HTR1D: variants seen among roughly 807,000 people sequenced by gnomAD.
HTR1D encodes 5-HT-1D.
A neutral mutation model predicts 21.1 loss-of-function variants in HTR1D; 18 were observed. The observed-to-expected ratio is 0.85, with a 90% CI of 0.59 to 1.27. The LOEUF is 1.27. HTR1D is among the 50% of genes most tolerant of loss of function. The pLI, the probability that HTR1D is intolerant of heterozygous loss-of-function variation, is 0.00. For synonymous variants in HTR1D, 196 were observed against 204.4 expected (o/e 0.96, Z 0.35); for missense variants, 456 against 481.4 (o/e 0.95, Z 0.49).
chr1:23,211,830 T>A (rs609567), intron 1 of HTR1D, among the ~76,000 whole-genome samples: 27,806 of 151,582 alleles, frequency 0.18, 2,659 homozygotes, highest in East Asian at 0.27. Context: ...TGGCAAATTT[T>A]AAAAAAATTT....
At position 23,193,457 on chromosome 1, in the gene HTR1D, AGCAGAGCGAGGACCCG is replaced by A. The variant is rs1644669127; in HGVS notation, c.747_762del (p.Gly250ArgfsTer23). The stretch of plus-strand genomic sequence containing the variant: ...CCCTCATGGAGGCTGGAGTTGAGCG[AGCAGAGCGAGGACCCG>A]GCAGAGCCTGTGATGAGGTGGGCCG... On this transcript the variant is annotated frameshift_variant, in exon 2 of 2. Transcript: ENST00000374619. LOFTEE classifies it high-confidence loss of function. The A allele has an allele frequency of 1.2e-6, 2 of 1,614,168 alleles. No individual in the cohort carries two copies. Among genetic ancestry groups the A allele is most frequent in the Non-Finnish European group, 1.7e-6 (2 of 1,180,032 alleles).
chr1:23,215,314 G>A (rs1332043220), intron 1 of HTR1D, among the ~76,000 whole-genome samples: 1 of 152,210 alleles, frequency 6.6e-6, no homozygotes, highest in African/African-American at 2.4e-5. Flanking sequence ...CTACTGGGGA[G>A]GCTGAGGCAG....
chr1:23,203,728 C>T (rs1228808846), intron 1 of HTR1D, among the ~76,000 whole-genome samples: 1 of 152,174 alleles, frequency 6.6e-6, no homozygotes, highest in Non-Finnish European at 1.5e-5. Flanking sequence ...CCAGTACTTC[C>T]ATTCCTAGCT....
At chr1:23,214,395 C>G (rs369165149) in intron 1 of HTR1D, among the ~76,000 whole-genome samples, 41 of 152,278 alleles carry the variant, frequency 2.7e-4, no homozygotes, top group African/African-American at 8.2e-4. Context: ...CTGCTGCACT[C>G]TAGCCTGGGT....
chr1:23,200,014 A>T (rs1644704003), intron 1 of HTR1D, among the ~76,000 whole-genome samples: 1 of 152,146 alleles, frequency 6.6e-6, no homozygotes. Flanking sequence ...TAGTATATGT[A>T]ATTTTTCTCA....
At chr1:23,211,360 G>T (rs997954538) in intron 1 of HTR1D, among the ~76,000 whole-genome samples, 6 of 152,192 alleles carry the variant, frequency 3.9e-5, no homozygotes, top group African/African-American at 1.2e-4. Context: ...AGTGGGGCAT[G>T]CAGGGAGCTA....
intron 1 of HTR1D, among the ~76,000 whole-genome samples, chr1:23,199,537 C>A (rs1644702309): frequency 6.8e-6 from 1 of 147,640 alleles, no homozygotes; most frequent in Non-Finnish European, 1.5e-5. Context: ...CTCAAGTGAT[C>A]CTCCCAACTT....
intron 1 of HTR1D, among the ~76,000 whole-genome samples, chr1:23,208,144 A>T (rs1305043857): frequency 6.6e-6 from 1 of 152,208 alleles, no homozygotes; most frequent in Admixed American, 6.5e-5. Flanking sequence ...AATTCTTACC[A>T]TCTGGCCAGG....
rs535752558 is a variant in HTR1D at position 23,193,598 on chromosome 1, T to C, written c.622A>G (p.Ile208Val). ...TIYSTCGAFY[I>V]PSVLLIILYG... ...AGGATGATGAGCAACACCGAGGGAA[T>C]GTAGAAGGCCCCACAGGTGGAGTAG... The change falls in exon 2 of 2, where the codon ATT becomes GTT. Residue 208 changes from isoleucine to valine, a missense_variant. Transcript: ENST00000374619. 78 of 1,613,936 alleles carry C rather than the reference T, an allele frequency of 4.8e-5. 1 individual carries two copies. In the South Asian group the frequency reaches 6.9e-4, roughly 14 times the overall value.
At chr1:23,195,134 T>TATC (rs1274922825) in intron 1 of HTR1D, among the ~76,000 whole-genome samples, 133 bp from the exon 2 acceptor site, 1 of 152,214 alleles carries the variant, frequency 6.6e-6, no homozygotes, top group Non-Finnish European at 1.5e-5. Context: ...TTCTAAAAAG[T>TATC]ATCAGAATAC....
chr1:23,198,203 CA>C (rs764969891), intron 1 of HTR1D, among the ~76,000 whole-genome samples: 160 of 139,928 alleles, frequency 1.1e-3, no homozygotes, highest in Admixed American at 1.8e-3. Flanking sequence ...ACTAAAAATA[CA>C]AAAAAAAAAA....
At chr1:23,202,571 A>G (rs968042044) in intron 1 of HTR1D, among the ~76,000 whole-genome samples, 1 of 152,218 alleles carries the variant, frequency 6.6e-6, no homozygotes, top group Non-Finnish European at 1.5e-5. Flanking sequence ...TGTCCTTAGA[A>G]GCCAGTCTCA....
At chr1:23,212,759 T>C in intron 1 of HTR1D, among the ~76,000 whole-genome samples, 1 of 151,716 alleles carries the variant, frequency 6.6e-6, no homozygotes, top group East Asian at 1.9e-4. Flanking sequence ...TGGTCATCCC[T>C]CCTTTATGTC....
chr1:23,196,960 C>T (rs1256005217), intron 1 of HTR1D, among the ~76,000 whole-genome samples: 1 of 152,064 alleles, frequency 6.6e-6, no homozygotes, highest in Non-Finnish European at 1.5e-5. Flanking sequence ...AGTTTTGCTC[C>T]CATTTTGGTT....
intron 1 of HTR1D, among the ~76,000 whole-genome samples, chr1:23,198,086 T>C (rs1320751690): frequency 1.4e-5 from 2 of 141,322 alleles, no homozygotes; most frequent in African/African-American, 2.6e-5. Flanking sequence ...AAAAAAAAAG[T>C]GTGGGCCGGG....
chr1:23,216,815 C>T (rs1454561899), intron 1 of HTR1D, among the ~76,000 whole-genome samples: 4 of 152,190 alleles, frequency 2.6e-5, no homozygotes, highest in East Asian at 1.9e-4. Context: ...GCCGGTCAGC[C>T]CCAGCCCGGA....
intron 1 of HTR1D, among the ~76,000 whole-genome samples, chr1:23,202,178 C>A (rs1456694147): frequency 6.6e-6 from 1 of 151,858 alleles, no homozygotes; most frequent in Non-Finnish European, 1.5e-5. Flanking sequence ...CTCACTGCAA[C>A]CTTTGCCTCC....
chr1:23,197,207 G>GA (rs1327711400), intron 1 of HTR1D, among the ~76,000 whole-genome samples: 1 of 152,092 alleles, frequency 6.6e-6, no homozygotes, highest in Non-Finnish European at 1.5e-5. Context: ...GCAACATCTT[G>GA]GGAAAAGGGA....
intron 1 of HTR1D, among the ~76,000 whole-genome samples, chr1:23,197,507 G>T (rs1644693316): frequency 6.6e-6 from 1 of 152,122 alleles, no homozygotes; most frequent in Non-Finnish European, 1.5e-5. Context: ...GAGGCGTGTG[G>T]ATCACCTGAG....
Sources: gnomAD v4.1 joint callset for allele counts (sites outside exome capture counted in the v4.1 genomes callset) on GRCh38, gnomAD v4.1.1 for gene constraint, MANE v1.5 for transcripts, NCBI Gene and HGNC (gene_info 2026-07-23, HGNC 2026-07-21) for gene names.